MIB1: variants seen among roughly 807,000 people sequenced by gnomAD.
The protein encoded by MIB1 is E3 ubiquitin-protein ligase MIB1.
Under a neutral mutation model 124.5 loss-of-function variants are expected in MIB1, and 278 were observed. The observed-to-expected ratio is 2.23, with a 90% CI of 2.02 to 2.47. The LOEUF (loss-of-function observed/expected upper bound fraction) is 2.47. Among genes scored for constraint, MIB1 ranks in the 30% most tolerant of loss-of-function variants. MIB1 has a pLI of 0.00. For missense variants in MIB1, 957 were observed against 1,254.4 expected (o/e 0.76, Z 3.58); for synonymous variants, 446 against 429.4 (o/e 1.04, Z -0.48).
chr18:21,840,016 T>G (rs991365422), intron 13 of MIB1, among the ~76,000 whole-genome samples: 3 of 152,216 alleles, frequency 2.0e-5, no homozygotes, highest in Non-Finnish European at 4.4e-5. Context: ...ATTACACCAC[T>G]GCATTCTGGC....
chr18:21,759,313 G>C (rs1387234268), intron 1 of MIB1, among the ~76,000 whole-genome samples: 1 of 151,726 alleles, frequency 6.6e-6, no homozygotes, highest in Non-Finnish European at 1.5e-5. Flanking sequence ...CGTGATCTCG[G>C]CTCACGGCAG....
chr18:21,843,029 C>T (rs2042104939), intron 13 of MIB1, 102 bp from the exon 14 acceptor site: 2 of 723,210 alleles, frequency 2.8e-6, no homozygotes, highest in South Asian at 3.9e-5. Context: ...AGAAAGTAGC[C>T]AGCAGTGTTC....
At chr18:21,717,694 C>T (rs1047236786) in intron 1 of MIB1, among the ~76,000 whole-genome samples, 7 of 152,016 alleles carry the variant, frequency 4.6e-5, no homozygotes, top group African/African-American at 9.7e-5. Context: ...AAACACAATG[C>T]GATGCCACCT....
chr18:21,731,636 G>C (rs1380110726), intron 1 of MIB1, among the ~76,000 whole-genome samples: 1 of 151,406 alleles, frequency 6.6e-6, no homozygotes, highest in African/African-American at 2.4e-5. Context: ...GGAGGCTGAG[G>C]CAGGAGAATG....
At chr18:21,767,750 T>A (rs1184496219) in intron 2 of MIB1, among the ~76,000 whole-genome samples, 1 of 152,052 alleles carries the variant, frequency 6.6e-6, no homozygotes, top group Non-Finnish European at 1.5e-5. Context: ...GGTTTCACCG[T>A]GTTAGTCAGG....
At chr18:21,781,365 TTATATATATATATATA>T (rs57641355) in intron 6 of MIB1, among the ~76,000 whole-genome samples, 920 of 67,178 alleles carry the variant, frequency 0.014, 20 homozygotes, top group African/African-American at 0.033. Flanking sequence ...TCTGTTCAAG[TTATATATATATATATA>T]TATATATATA....
intron 1 of MIB1, among the ~76,000 whole-genome samples, chr18:21,758,296 C>T (rs996625550): frequency 2.6e-5 from 4 of 152,174 alleles, no homozygotes; most frequent in African/African-American, 9.7e-5. Context: ...GCCTTGCCCT[C>T]ACTGGGAATT....
At chr18:21,771,254 A>G (rs1297856473) in intron 3 of MIB1, among the ~76,000 whole-genome samples, 1 of 152,240 alleles carries the variant, frequency 6.6e-6, no homozygotes, top group Non-Finnish European at 1.5e-5. Context: ...CATATTAACA[A>G]ATGAAGGAAT....
intron 17 of MIB1, among the ~76,000 whole-genome samples, 184 bp downstream of exon 17, chr18:21,849,572 A>G (rs2042164859): frequency 6.6e-6 from 1 of 152,132 alleles, no homozygotes; most frequent in African/African-American, 2.4e-5. Flanking sequence ...GCTTGTTTAC[A>G]GTCTTGCTTA....
At chr18:21,715,912 A>G (rs1018390601) in intron 1 of MIB1, among the ~76,000 whole-genome samples, 3 of 152,240 alleles carry the variant, frequency 2.0e-5, no homozygotes, top group Non-Finnish European at 4.4e-5. Context: ...GAGGAAGAAG[A>G]GAAATCTAAA....
intron 1 of MIB1, among the ~76,000 whole-genome samples, chr18:21,750,662 C>A (rs934067277): frequency 6.6e-6 from 1 of 151,998 alleles, no homozygotes. Flanking sequence ...TGGGGTTTCA[C>A]CATGTTGGCC....
chr18:21,798,073 T>G lies in MIB1; in HGVS notation c.1093-11T>G. The G allele has an allele frequency of 1.2e-6, 2 of 1,612,248 alleles. No individual in the cohort carries two copies. Among genetic ancestry groups the G allele is most frequent in the Non-Finnish European group, 1.7e-6 (2 of 1,178,764 alleles). ...TAGACTTGGAAACATGAATCTATTT[T>G]TTTCCCCAAGACTTTAGGTAAAGTT... On this transcript the variant is annotated splice_polypyrimidine_tract_variant and intron_variant, in intron 7 of 20. Coordinates refer to ENST00000261537, the MANE Select transcript of MIB1 (RefSeq NM_020774.4).
intron 1 of MIB1, among the ~76,000 whole-genome samples, chr18:21,759,242 T>C (rs1383868904): frequency 3.3e-5 from 5 of 151,082 alleles, no homozygotes; most frequent in African/African-American, 7.3e-5. Flanking sequence ...TATATATATA[T>C]GTATATATAT....
intron 16 of MIB1, 97 bp downstream of exon 16, chr18:21,847,222 C>A: frequency 1.9e-6 from 2 of 1,054,364 alleles, no homozygotes; most frequent in Non-Finnish European, 2.7e-6. Flanking sequence ...ATGTCTTCAT[C>A]TTTGCTCTTC....
intron 1 of MIB1, among the ~76,000 whole-genome samples, chr18:21,754,523 C>T (rs2041009547): frequency 6.6e-6 from 1 of 152,118 alleles, no homozygotes; most frequent in Non-Finnish European, 1.5e-5. Flanking sequence ...CTCGTGTTCA[C>T]ATAACCCTTA....
At chr18:21,798,316 T>C in intron 8 of MIB1, 88 bp downstream of exon 8, 1 of 1,287,476 alleles carries the variant, frequency 7.8e-7, no homozygotes, top group Non-Finnish European at 1.1e-6. Flanking sequence ...CAGATAATGT[T>C]GTACATGTGC....
chr18:21,791,342 A>C, intron 6 of MIB1, 32 bp from the exon 7 acceptor site: 1 of 1,546,566 alleles, frequency 6.5e-7, no homozygotes, highest in Non-Finnish European at 8.7e-7. Context: ...AAGCAAAGCT[A>C]CCCATTTTGA....
intron 9 of MIB1, among the ~76,000 whole-genome samples, chr18:21,801,213 T>C (rs1039575315): frequency 6.6e-6 from 1 of 152,018 alleles, no homozygotes; most frequent in African/African-American, 2.4e-5. Flanking sequence ...CTTAATTTTC[T>C]TTCTTCCTTT....
chr18:21,731,703 GC>G (rs2040771278), intron 1 of MIB1, among the ~76,000 whole-genome samples: 1 of 131,138 alleles, frequency 7.6e-6, no homozygotes, highest in Non-Finnish European at 1.5e-5. Flanking sequence ...CCGCACTCCA[GC>G]CTGGGCAACA....
Sources: gnomAD v4.1 joint callset for allele counts (sites outside exome capture counted in the v4.1 genomes callset) on GRCh38, gnomAD v4.1.1 for gene constraint, MANE v1.5 for transcripts, NCBI Gene and HGNC (gene_info 2026-07-23, HGNC 2026-07-21) for gene names.